TTC14: variants seen among roughly 807,000 people sequenced by gnomAD.
The protein encoded by TTC14 is tetratricopeptide repeat domain 14.
TTC14 carries 63 observed loss-of-function variants against 79.9 expected under a neutral mutation model. The observed-to-expected ratio is 0.79, with a 90% CI of 0.64 to 0.97. The LOEUF (loss-of-function observed/expected upper bound fraction) is 0.97, where lower values mean the gene tolerates loss of function less well. Ranked by LOEUF, TTC14 falls within the 50% of genes least tolerant of loss-of-function variation. The probability of loss-of-function intolerance (pLI) is 0.00; values close to 1 mark genes in which losing one functional copy is unlikely to be tolerated. For missense variants in TTC14, 895 were observed against 894.0 expected (o/e 1.00, Z -0.01); for synonymous variants, 335 against 309.6 (o/e 1.08, Z -0.86).
chr3:180,615,191 C>A, downstream of TTC14: 2 of 715,498 alleles, frequency 2.8e-6, no homozygotes, highest in South Asian at 2.2e-5. Flanking sequence ...CAAAAAAGTA[C>A]ATATTAATAG....
intron 1 of TTC14, 170 bp from the exon 2 acceptor site, chr3:180,602,721 C>T (rs769526404): frequency 4.2e-5 from 34 of 812,956 alleles, no homozygotes; most frequent in South Asian, 9.9e-5. Context: ...CCGCTCTCCA[C>T]CTCCAGGTTG....
chr3:180,609,743 A>G lies in TTC14; in HGVS notation c.1514A>G (p.His505Arg), dbSNP rs761569697. Residue 505 changes from histidine (H) to arginine (R), a missense_variant, in exon 12 of 12, where the codon CAT (histidine) becomes CGT (arginine). Coordinates refer to ENST00000296015, the MANE Select transcript of TTC14 (RefSeq NM_133462.4). ...SSSGHKRHKK[H>R]KRNRSESSRS... ...TCTGGTCACAAAAGGCATAAGAAACATAAGAGGAACCGTTCAGAGTCTTCT... is the reference window on the plus strand; with the variant it reads ...TCTGGTCACAAAAGGCATAAGAAACGTAAGAGGAACCGTTCAGAGTCTTCT... The G allele has an allele frequency of 1.2e-5, 20 of 1,613,838 alleles. No individual in the cohort carries two copies. In the Admixed American group the frequency reaches 1.8e-4, roughly 15 times the overall value.
chr3:180,605,646 A>C, intron 6 of TTC14, 120 bp from the exon 7 acceptor site: 1 of 652,300 alleles, frequency 1.5e-6, no homozygotes, highest in Non-Finnish European at 2.5e-6. Flanking sequence ...TGTAAATAGA[A>C]TGCAGATTTC....
intron 10 of TTC14, chr3:180,608,171 T>C (rs1484689060): frequency 3.0e-6 from 3 of 1,001,790 alleles, no homozygotes; most frequent in Non-Finnish European, 3.6e-6. Flanking sequence ...CCATTGCTGC[T>C]GTGTCTGTGA....
At position 180,610,239 on chromosome 3, in the gene TTC14, C is replaced by G. The variant is rs34873940; in HGVS notation, c.2010C>G (p.Thr670=). Residue 670 remains threonine, a synonymous_variant, in exon 12 of 12, where the codon ACC becomes ACG. Coordinates refer to ENST00000296015, the MANE Select transcript of TTC14 (RefSeq NM_133462.4). The part of the protein sequence containing the change: ...RWEPGSVRHS[T]SPASSEYSWK... The stretch of plus-strand genomic sequence containing the variant: ...AACCAGGTTCTGTGAGGCATTCTAC[C>G]TCACCAGCAAGCTCAGAATACTCTT... 0.044 allele frequency: 70,591 copies of G among 1,613,862 alleles called. 2,000 individuals carry two copies. The highest frequency in any genetic ancestry group is 0.11 in the South Asian group (9,930 of 91,064).
At position 180,610,739 on chromosome 3, in the gene TTC14, CT is replaced by C. The variant is rs1267154370; in HGVS notation, c.*202del. On this transcript the variant is annotated 3_prime_UTR_variant, in exon 12 of 12. Coordinates refer to ENST00000296015, the MANE Select transcript of TTC14 (RefSeq NM_133462.4). ...CCCTTGTCACAGCTTGGTTTTTAGA[CT>C]TTTTATGTATATGTTTATGTACAGT... 3.1e-6 allele frequency: 4 copies of C among 1,287,534 alleles called. No homozygotes were observed. Among genetic ancestry groups the C allele is most frequent in the Non-Finnish European group, 3.9e-6 (4 of 1,016,730 alleles). The allele number at this position is 1,287,534 out of a possible 1,614,324, so 79.8% of individuals were successfully genotyped here. A position where few individuals can be genotyped will look rare whatever the true frequency, so the allele number is the denominator to read the frequency against.
At chr3:180,608,252 C>T in intron 10 of TTC14, 9 of 988,536 alleles carry the variant, frequency 9.1e-6, no homozygotes, top group Non-Finnish European at 1.1e-5. Context: ...TCCAACTGGG[C>T]TGTGCTATTT....
downstream of TTC14, chr3:180,615,141 T>G: frequency 8.1e-7 from 1 of 1,228,606 alleles, no homozygotes; most frequent in Non-Finnish European, 1.1e-6. Context: ...GACCCTCTCA[T>G]TATTGGCAAA....
intron 7 of TTC14, 194 bp from the exon 8 acceptor site, chr3:180,606,059 T>C (rs1716664994): frequency 1.2e-6 from 1 of 846,068 alleles, no homozygotes; most frequent in Admixed American, 3.0e-5. Flanking sequence ...AGTATATTGA[T>C]ATCTAGGTTT....
intron 10 of TTC14, 116 bp downstream of exon 10, chr3:180,607,881 T>A: frequency 1.3e-6 from 2 of 1,495,086 alleles, no homozygotes; most frequent in Non-Finnish European, 1.8e-6. Flanking sequence ...GAAAAGTTTC[T>A]TTTTAGGTAT....
downstream of TTC14, chr3:180,614,130 G>A (rs755506263): frequency 8.9e-5 from 16 of 178,968 alleles, no homozygotes; most frequent in Non-Finnish European, 1.8e-4. Context: ...ACATTTGGCA[G>A]TCTACCTCCA....
downstream of TTC14, among the ~76,000 whole-genome samples, chr3:180,612,621 A>G (rs567848337): frequency 3.3e-5 from 5 of 152,122 alleles, no homozygotes; most frequent in Non-Finnish European, 5.9e-5. Flanking sequence ...GTGGTGGTGC[A>G]TGCCTATAGT....
At chr3:180,602,482 A>G in intron 1 of TTC14, 60 bp downstream of exon 1, 1 of 1,511,980 alleles carries the variant, frequency 6.6e-7, no homozygotes, top group Non-Finnish European at 8.8e-7. Context: ...GGCAGCCACT[A>G]CCGCAGCCCC....
At position 180,604,490 on chromosome 3, in the gene TTC14, A is replaced by C. The variant is rs1716565299; in HGVS notation, c.584A>C (p.Asp195Ala). ...TTTTTTTCTTAAGCTGGAATCAAGG[A>C]TATTGACAGATACCATGAAAAGCTA... Reference protein sequence around the residue: ...TGDIIRAGIKDIDRYHEKLAV... With the variant: ...TGDIIRAGIKAIDRYHEKLAV... Residue 195 changes from aspartate to alanine, a missense_variant, in exon 5 of 12, where the codon GAT becomes GCT. Physicochemically the swap from Asp to Ala is moderately radical, Grantham distance 126. Coordinates refer to ENST00000296015, the MANE Select transcript of TTC14 (RefSeq NM_133462.4). The C allele has an allele frequency of 6.3e-7, 1 of 1,595,296 alleles. No individual in the cohort carries two copies. The highest frequency in any genetic ancestry group is 1.4e-5 in the African/African-American group (1 of 73,600).
At chr3:180,611,233 T>C, downstream of TTC14, 1 of 819,072 alleles carries the variant, frequency 1.2e-6, no homozygotes, top group Non-Finnish European at 1.5e-6. Flanking sequence ...ATTGCTAGCA[T>C]AGCCATAAAA....
chr3:180,613,033 T>C (rs1272453687), downstream of TTC14, among the ~76,000 whole-genome samples: 2 of 152,144 alleles, frequency 1.3e-5, no homozygotes, highest in East Asian at 1.9e-4. Flanking sequence ...AAATGAGATA[T>C]CTCTCATCAG....
chr3:180,616,737 C>G (rs1286138889), intron 12 of TTC14: 3 of 1,569,856 alleles, frequency 1.9e-6, no homozygotes, highest in Non-Finnish European at 2.6e-6. Context: ...AACGTGTTTA[C>G]CAGAATTTAA....
At chr3:180,607,590 C>T in intron 9 of TTC14, 58 bp from the exon 10 acceptor site, 1 of 1,552,756 alleles carries the variant, frequency 6.4e-7, no homozygotes, top group Admixed American at 2.0e-5. Context: ...GACCTGTATG[C>T]ATATTTGGAT....
intron 9 of TTC14, among the ~76,000 whole-genome samples, chr3:180,606,924 C>A (rs1716731313): frequency 6.6e-6 from 1 of 152,112 alleles, no homozygotes; most frequent in African/African-American, 2.4e-5. Flanking sequence ...TACATACTTA[C>A]TAGGTGGATA....
Sources: allele counts gnomAD v4.1 joint callset (sites outside exome capture counted in the v4.1 genomes callset), GRCh38; gene constraint gnomAD v4.1.1; transcripts MANE v1.5; gene names NCBI Gene and HGNC (gene_info 2026-07-23, HGNC 2026-07-21).